GPR158: variants seen among roughly 807,000 people sequenced by gnomAD.
GPR158 encodes the protein metabotropic glycine receptor.
Under a neutral mutation model 78.2 loss-of-function variants are expected in GPR158, and 30 were observed. The ratio of observed to expected loss-of-function variants is 0.38; its 90% CI spans 0.29 to 0.52. The LOEUF (loss-of-function observed/expected upper bound fraction) is 0.52, where lower values mean the gene tolerates loss of function less well. GPR158 is among the 20% of genes least tolerant of loss of function. The pLI, the probability that GPR158 is intolerant of heterozygous loss-of-function variation, is 0.83. For synonymous variants in GPR158, 581 were observed against 591.1 expected, an observed-to-expected ratio of 0.98 and a Z score of 0.25; for missense variants, 1,463 against 1,523.5, an observed-to-expected ratio of 0.96 and a Z score of 0.66.
In GPR158 at chr10:25,470,864, T is replaced by C. The variant is rs537375205; in HGVS notation, c.1404+4145T>C. Among the ~76,000 whole-genome samples the C allele has an allele frequency of 3.3e-5, 5 of 152,308 alleles. No homozygotes were observed. The South Asian group carries it at 6.2e-4, about 19-fold the overall frequency. On this transcript the variant is annotated intron_variant, in intron 5 of 10. Coordinates refer to ENST00000376351, the MANE Select transcript of GPR158 (RefSeq NM_020752.3). ...ATCTGTTGCTACTATAATCTTTTTT[T>C]TGAACCTCTGCTATTTTAAAATCAA... is the stretch of plus-strand genomic sequence containing the variant.
chr10:25,580,000 T>C (rs544012408), intron 7 of GPR158, among the ~76,000 whole-genome samples: 318 of 152,306 alleles, frequency 2.1e-3, no homozygotes, highest in Non-Finnish European at 2.9e-3. Context: ...TCTCTCCCCC[T>C]ACCCTCCACC....
chr10:25,469,206 C>T (rs1030454414), intron 5 of GPR158, among the ~76,000 whole-genome samples: 3 of 152,156 alleles, frequency 2.0e-5, no homozygotes, highest in African/African-American at 7.2e-5. Flanking sequence ...CATCTAGCCT[C>T]AAAGTTTAAG....
chr10:25,569,941 G>C (rs187613685), intron 6 of GPR158, among the ~76,000 whole-genome samples: 1 of 152,064 alleles, frequency 6.6e-6, no homozygotes, highest in Non-Finnish European at 1.5e-5. Flanking sequence ...ATGTTTGTTC[G>C]TTATATTTAA....
intron 5 of GPR158, among the ~76,000 whole-genome samples, chr10:25,487,707 T>C (rs549779081): frequency 7.5e-6 from 1 of 133,508 alleles, no homozygotes; most frequent in East Asian, 1.9e-4. Context: ...TTTATTCATA[T>C]AGGGTAAGTT....
intron 6 of GPR158, among the ~76,000 whole-genome samples, chr10:25,552,188 G>T (rs1836735117): frequency 6.6e-6 from 1 of 152,064 alleles, no homozygotes; most frequent in Non-Finnish European, 1.5e-5. Flanking sequence ...TCCCAATTTA[G>T]CCTCTAACTC....
chr10:25,544,683 A>G lies in GPR158; in HGVS notation c.1405-6293A>G, dbSNP rs904877283. ...ACTGAGATTTCAAAAGGAATGTTTT[A>G]TAATTTGTTAAAATATATGTTTATA... On this transcript the variant is annotated intron_variant, in intron 5 of 10. Transcript: ENST00000376351. Among the ~76,000 whole-genome samples the G allele has an allele frequency of 2.6e-5, 4 of 152,138 alleles. No homozygotes were observed. The South Asian group carries it at 8.3e-4, about 31-fold the overall frequency.
At chr10:25,271,268 T>A (rs1454284423) in intron 2 of GPR158, among the ~76,000 whole-genome samples, 1 of 152,236 alleles carries the variant, frequency 6.6e-6, no homozygotes, top group Non-Finnish European at 1.5e-5. Context: ...TCCTGTTTCT[T>A]CATAGTGTTT....
At chr10:25,526,103 TAAAAAAAAAAAAAA>T (rs4017850) in intron 5 of GPR158, among the ~76,000 whole-genome samples, 2 of 69,202 alleles carry the variant, frequency 2.9e-5, no homozygotes, top group Non-Finnish European at 5.6e-5. Flanking sequence ...CAATTTTGTC[TAAAAAAAAAAAAAA>T]AAAAAAAAAA....
intron 7 of GPR158, among the ~76,000 whole-genome samples, chr10:25,581,358 C>T (rs191871192): frequency 5.9e-5 from 9 of 152,302 alleles, no homozygotes; most frequent in Admixed American, 1.3e-4. Context: ...CCATGTGTGA[C>T]CTTAAACATG....
At chr10:25,184,868 G>T (rs1852659605) in intron 1 of GPR158, among the ~76,000 whole-genome samples, 1 of 152,100 alleles carries the variant, frequency 6.6e-6, no homozygotes, top group South Asian at 2.1e-4. Flanking sequence ...CAATTGCTTG[G>T]AATAAAATGA....
At chr10:25,462,089 C>T (rs1362629179) in intron 4 of GPR158, among the ~76,000 whole-genome samples, 2 of 152,100 alleles carry the variant, frequency 1.3e-5, no homozygotes, top group African/African-American at 2.4e-5. Context: ...TTCAAAACTT[C>T]AAAGGAAAGA....
In GPR158 at chr10:25,451,653, G is replaced by A. The variant is rs114924355; in HGVS notation, c.1336-14998G>A. Among the ~76,000 whole-genome samples, 442 of 152,190 alleles carry A rather than the reference G, an allele frequency of 2.9e-3. 2 individuals are homozygous for A. Among genetic ancestry groups the A allele is most frequent in the African/African-American group, 0.01 (416 of 41,516 alleles). ...CCAGTGTGTAATGTCAGTTCCATCC[G>A]TTTCTTTGGCCATATATTTTTTTTA... On this transcript the variant is annotated intron_variant, in intron 4 of 10. Transcript: ENST00000376351.
intron 2 of GPR158, among the ~76,000 whole-genome samples, chr10:25,348,577 G>A (rs571456196): frequency 6.6e-6 from 1 of 151,896 alleles, no homozygotes. Flanking sequence ...AATACTATCA[G>A]CCCTACCTGG....
chr10:25,551,228 G>T, intron 6 of GPR158, 143 bp downstream of exon 6: 2 of 595,246 alleles, frequency 3.4e-6, no homozygotes, highest in African/African-American at 1.9e-5. Flanking sequence ...TCACTTTCAA[G>T]GTGTGACATC....
At chr10:25,362,623 C>T (rs1306172550) in intron 2 of GPR158, among the ~76,000 whole-genome samples, 1 of 151,822 alleles carries the variant, frequency 6.6e-6, no homozygotes, top group Non-Finnish European at 1.5e-5. Context: ...TAATTTCTTT[C>T]AGCAAAGTTT....
Position 25,381,036 on chromosome 10 carries a change from C to G in GPR158, c.1009-14875C>G, listed in dbSNP as rs563928043. On this transcript the variant is annotated intron_variant, in intron 2 of 10. Transcript: ENST00000376351. ...ATTTATAGTAAGAATAAGTATAGGA[C>G]AGAGCCCTGGAAACCCCAGTTGGTA... is the stretch of plus-strand genomic sequence containing the variant. Among the ~76,000 whole-genome samples, 284 of 152,196 alleles carry G rather than the reference C, an allele frequency of 1.9e-3. 1 individual carries two copies. The highest frequency in any genetic ancestry group is 6.6e-3 in the African/African-American group (273 of 41,520).
At chr10:25,215,790 G>A (rs763974304) in intron 1 of GPR158, among the ~76,000 whole-genome samples, 14 of 152,178 alleles carry the variant, frequency 9.2e-5, no homozygotes, top group Non-Finnish European at 1.3e-4. Context: ...GGCTGAGATC[G>A]TGCCACTGTA....
intron 2 of GPR158, among the ~76,000 whole-genome samples, chr10:25,355,577 T>C (rs1384022925): frequency 6.6e-6 from 1 of 152,094 alleles, no homozygotes; most frequent in African/African-American, 2.4e-5. Context: ...TTCTTGTGGA[T>C]GTACGTCTGT....
At chr10:25,407,906 C>T (rs1834535622) in intron 3 of GPR158, among the ~76,000 whole-genome samples, 1 of 152,132 alleles carries the variant, frequency 6.6e-6, no homozygotes, top group African/African-American at 2.4e-5. Context: ...TCATGTTACT[C>T]CTCTACCCAA....
Sources: gnomAD v4.1 joint callset for allele counts (sites outside exome capture counted in the v4.1 genomes callset) on GRCh38, gnomAD v4.1.1 for gene constraint, MANE v1.5 for transcripts, NCBI Gene and HGNC (gene_info 2026-07-23, HGNC 2026-07-21) for gene names.